Variants in MPP7 observed in about 807,000 individuals in gnomAD.
The protein encoded by MPP7 is MAGUK p55 scaffold protein 7.
A neutral mutation model predicts 76.5 loss-of-function variants in MPP7; 60 were observed. The ratio of observed to expected loss-of-function variants is 0.78; its 90% CI spans 0.64 to 0.97. MPP7 has a LOEUF of 0.97. Among genes scored for constraint, MPP7 ranks in the 50% least tolerant of loss-of-function variants. The pLI is 0.00. For missense variants in MPP7, 641 were observed against 694.0 expected, an observed-to-expected ratio of 0.92 and a Z score of 0.86; for synonymous variants, 237 against 244.5, an observed-to-expected ratio of 0.97 and a Z score of 0.29.
chr10:28,133,494 T>C (rs1322066820), intron 5 of MPP7, among the ~76,000 whole-genome samples: 3 of 152,220 alleles, frequency 2.0e-5, no homozygotes, highest in Admixed American at 2.0e-4. Context: ...TACATGTCCA[T>C]AATTTATAAT....
At chr10:28,278,021 A>C (rs1248451449) in intron 1 of MPP7, among the ~76,000 whole-genome samples, 1 of 152,126 alleles carries the variant, frequency 6.6e-6, no homozygotes, top group Non-Finnish European at 1.5e-5. Flanking sequence ...AATGAGACCA[A>C]AGCTTGGTTA....
intron 1 of MPP7, among the ~76,000 whole-genome samples, chr10:28,253,228 CAGAATGGTT>C (rs1839673393): frequency 6.6e-6 from 1 of 152,050 alleles, no homozygotes; most frequent in African/African-American, 2.4e-5. Flanking sequence ...CTTTAAAGAT[CAGAATGGTT>C]TTTGATTCTT....
intron 8 of MPP7, among the ~76,000 whole-genome samples, chr10:28,123,626 G>T (rs745457201): frequency 6.6e-6 from 1 of 151,792 alleles, no homozygotes; most frequent in African/African-American, 2.4e-5. Flanking sequence ...CTGCCACCAC[G>T]TGCAGCTAAT....
intron 2 of MPP7, among the ~76,000 whole-genome samples, chr10:28,321,140 G>C (rs1471304156): frequency 6.6e-6 from 1 of 152,102 alleles, no homozygotes; most frequent in Non-Finnish European, 1.5e-5. Context: ...AGAAAGAAAA[G>C]CTGACATCTC....
chr10:28,211,060 C>T (rs962175323), intron 2 of MPP7, among the ~76,000 whole-genome samples: 1 of 152,118 alleles, frequency 6.6e-6, no homozygotes, highest in African/African-American at 2.4e-5. Context: ...TTCCTGAACC[C>T]ATGCTACACT....
intron 1 of MPP7, among the ~76,000 whole-genome samples, chr10:28,334,199 TA>T (rs990961193): frequency 2.0e-5 from 3 of 148,030 alleles, no homozygotes; most frequent in African/African-American, 7.5e-5. Context: ...AGACCTTGTC[TA>T]AAAAAAGAAA....
chr10:28,286,421 A>T (rs376473971), intron 1 of MPP7, among the ~76,000 whole-genome samples: 15 of 152,236 alleles, frequency 9.9e-5, no homozygotes, highest in African/African-American at 3.4e-4. Context: ...TCACTTGGAA[A>T]ACTACAGCAC....
At chr10:28,322,603 C>G (rs1589048567) in intron 2 of MPP7, among the ~76,000 whole-genome samples, 1 of 152,096 alleles carries the variant, frequency 6.6e-6, no homozygotes, top group Non-Finnish European at 1.5e-5. Context: ...GATTTCTACT[C>G]TTTGACCTTT....
Position 28,268,240 on chromosome 10 carries a change from G to C in MPP7, c.-131-29505C>G, listed in dbSNP as rs554069932. Among the ~76,000 whole-genome samples, 4 of 152,268 alleles carry C rather than the reference G, an allele frequency of 2.6e-5. No homozygotes were observed. The South Asian group carries it at 8.3e-4, about 32-fold the overall frequency. On this transcript the variant is annotated intron_variant, in intron 1 of 16. Transcript: ENST00000683449. ...ATGTGAGAGACAAGGGCATCCGGCA[G>C]AAGGTACAAGAAGAATTCAGGCTGG...
At chr10:28,158,417 A>AG (rs1283487272) in intron 3 of MPP7, among the ~76,000 whole-genome samples, 1 of 152,178 alleles carries the variant, frequency 6.6e-6, no homozygotes, top group East Asian at 1.9e-4. Context: ...ATAGGAAAAG[A>AG]GGGGACAGCC....
At chr10:28,077,327 T>C (rs1443544539) in intron 12 of MPP7, among the ~76,000 whole-genome samples, 2 of 152,132 alleles carry the variant, frequency 1.3e-5, no homozygotes, top group Non-Finnish European at 2.9e-5. Context: ...ATTAGGTTAT[T>C]CTAGGTCATC....
intron 3 of MPP7, among the ~76,000 whole-genome samples, chr10:28,156,685 G>A (rs1179282228): frequency 6.6e-6 from 1 of 152,100 alleles, no homozygotes; most frequent in Non-Finnish European, 1.5e-5. Context: ...TGATGGAAAG[G>A]GTGCAAGACC....
chr10:28,249,901 C>T (rs887262572), intron 1 of MPP7, among the ~76,000 whole-genome samples: 2 of 152,060 alleles, frequency 1.3e-5, no homozygotes, highest in African/African-American at 2.4e-5. Context: ...GAATGATGTC[C>T]TCTTCAACTT....
At chr10:28,091,592 A>C (rs1165692895) in intron 11 of MPP7, among the ~76,000 whole-genome samples, 1 of 152,172 alleles carries the variant, frequency 6.6e-6, no homozygotes, top group Non-Finnish European at 1.5e-5. Context: ...CCAGCCATAG[A>C]TATCTTTTTT....
chr10:28,216,753 T>C (rs1256521149), intron 2 of MPP7, among the ~76,000 whole-genome samples: 1 of 152,172 alleles, frequency 6.6e-6, no homozygotes, highest in Non-Finnish European at 1.5e-5. Context: ...CAAATGTGCA[T>C]TCAAATTATT....
At chr10:28,284,314 T>C (rs1840746729) in intron 1 of MPP7, among the ~76,000 whole-genome samples, 1 of 152,164 alleles carries the variant, frequency 6.6e-6, no homozygotes, top group South Asian at 2.1e-4. Context: ...TAATCTTCTG[T>C]TGTCTAGGCA....
At chr10:28,295,998 C>T (rs1421142865) in intron 1 of MPP7, among the ~76,000 whole-genome samples, 1 of 152,184 alleles carries the variant, frequency 6.6e-6, no homozygotes, top group Non-Finnish European at 1.5e-5. Context: ...GCTATTCACT[C>T]GCATACTCAA....
chr10:28,256,296 A>G (rs934091928), intron 1 of MPP7, among the ~76,000 whole-genome samples: 37 of 150,282 alleles, frequency 2.5e-4, no homozygotes, highest in African/African-American at 8.6e-4. Context: ...CTGCAACTCC[A>G]CATTGCCATA....
intron 1 of MPP7, among the ~76,000 whole-genome samples, chr10:28,286,323 G>A (rs1364185962): frequency 2.0e-5 from 3 of 151,622 alleles, no homozygotes; most frequent in Admixed American, 2.0e-4. Context: ...TCCAGCCTGG[G>A]CAACAGAGCG....
Sources: allele counts gnomAD v4.1 joint callset (sites outside exome capture counted in the v4.1 genomes callset), GRCh38; gene constraint gnomAD v4.1.1; transcripts MANE v1.5; gene names NCBI Gene and HGNC (gene_info 2026-07-23, HGNC 2026-07-21).